The following NRXN3 variants were observed in gnomAD, a reference collection of about 807,000 sequenced individuals.
NRXN3 encodes the protein neurexin III.
A neutral mutation model predicts 137.6 loss-of-function variants in NRXN3; 32 were observed. The ratio of observed to expected loss-of-function variants is 0.23; its 90% CI spans 0.18 to 0.31. The LOEUF (loss-of-function observed/expected upper bound fraction) is 0.31, where lower values mean the gene tolerates loss of function less well. NRXN3 is among the 10% of genes least tolerant of loss of function. The pLI is 1.00. For synonymous variants in NRXN3, 798 were observed against 784.5 expected (o/e 1.02, Z -0.29); for missense variants, 1,574 against 2,062.5 (o/e 0.76, Z 4.59).
At chr14:79,256,703 G>C (rs112444835) in intron 15 of NRXN3, among the ~76,000 whole-genome samples, 1 of 152,218 alleles carries the variant, frequency 6.6e-6, no homozygotes, top group Non-Finnish European at 1.5e-5. Flanking sequence ...TCTGCCAGAA[G>C]CAGAGCAGGT....
At chr14:79,099,424 A>G (rs1444682278) in intron 15 of NRXN3, among the ~76,000 whole-genome samples, 3 of 152,194 alleles carry the variant, frequency 2.0e-5, no homozygotes, top group Non-Finnish European at 4.4e-5. Context: ...GAGAGTCAAA[A>G]GGAGAGCTGC....
Position 79,577,685 on chromosome 14 carries a change from TTATC to T in NRXN3, c.3445-86089_3445-86086del, listed in dbSNP as rs376799980. ...CTCAAGTGCAGAGATCTTGTGTTATTTATCTATGTGTCTTCAGATACTAAATGTG... is the reference window on the plus strand; with the variant it reads ...CTCAAGTGCAGAGATCTTGTGTTATTTATGTGTCTTCAGATACTAAATGTG... On this transcript the variant is annotated intron_variant, in intron 16 of 20. Coordinates refer to ENST00000335750, the MANE Select transcript of NRXN3 (RefSeq NM_001330195.2). 3.9e-5 allele frequency among the ~76,000 whole-genome samples: 6 copies of T among 152,336 alleles called. No individual in the cohort carries two copies. In the South Asian group the frequency reaches 6.2e-4, roughly 16 times the overall value.
intron 15 of NRXN3, among the ~76,000 whole-genome samples, chr14:79,428,735 C>T (rs530429993): frequency 1.3e-5 from 2 of 152,134 alleles, no homozygotes; most frequent in East Asian, 1.9e-4. Context: ...GTAAGCAAGA[C>T]GGAGGATTAG....
At chr14:78,871,031 C>T (rs1362393722) in intron 10 of NRXN3, among the ~76,000 whole-genome samples, 1 of 149,416 alleles carries the variant, frequency 6.7e-6, no homozygotes, top group Non-Finnish European at 1.5e-5. Flanking sequence ...CATGGGAGTG[C>T]AGATATCTCT....
chr14:78,436,590 G>T (rs2094074076), intron 4 of NRXN3, among the ~76,000 whole-genome samples: 1 of 152,232 alleles, frequency 6.6e-6, no homozygotes, highest in Admixed American at 6.5e-5. Context: ...TAGCAAGGAA[G>T]CCACCACCCA....
chr14:78,357,549 T>C (rs2153601607), intron 4 of NRXN3, among the ~76,000 whole-genome samples: 1 of 152,326 alleles, frequency 6.6e-6, no homozygotes, highest in Non-Finnish European at 1.5e-5. Flanking sequence ...TGTGGGACTA[T>C]AGGTTTCTGA....
intron 16 of NRXN3, among the ~76,000 whole-genome samples, chr14:79,497,904 C>T (rs770159061): frequency 7.9e-5 from 12 of 151,938 alleles, no homozygotes; most frequent in Non-Finnish European, 1.0e-4. Context: ...CATAGTGGTG[C>T]GCCCCTGTAG....
At chr14:78,750,289 G>A (rs2098634753) in intron 8 of NRXN3, among the ~76,000 whole-genome samples, 1 of 152,212 alleles carries the variant, frequency 6.6e-6, no homozygotes, top group Non-Finnish European at 1.5e-5. Flanking sequence ...AGCAGATATA[G>A]TCGATATATC....
chr14:78,300,641 C>T, intron 4 of NRXN3: 1 of 1,519,568 alleles, frequency 6.6e-7, no homozygotes. Flanking sequence ...ATGGTGAACA[C>T]CATGCTTCCT....
chr14:79,446,281 C>T (rs2096062620), intron 15 of NRXN3, among the ~76,000 whole-genome samples: 3 of 152,106 alleles, frequency 2.0e-5, no homozygotes, highest in Admixed American at 6.6e-5. Flanking sequence ...GAAATTCTTT[C>T]CTGTTTTGCT....
intron 15 of NRXN3, among the ~76,000 whole-genome samples, chr14:79,156,616 C>T (rs1279454769): frequency 6.6e-6 from 1 of 151,732 alleles, no homozygotes; most frequent in Admixed American, 6.6e-5. Flanking sequence ...GCTTTACTTC[C>T]TTAACAGAAT....
At chr14:79,569,401 C>T (rs549087123) in intron 16 of NRXN3, among the ~76,000 whole-genome samples, 29 of 152,192 alleles carry the variant, frequency 1.9e-4, no homozygotes, top group African/African-American at 6.3e-4. Context: ...AATGAGCAGG[C>T]GCTGCCTCCC....
chr14:78,465,508 G>C (rs2095072596), intron 4 of NRXN3, among the ~76,000 whole-genome samples: 1 of 152,128 alleles, frequency 6.6e-6, no homozygotes, highest in African/African-American at 2.4e-5. Context: ...TGATGACAGA[G>C]ATTTAAGGTT....
chr14:79,722,403 C>T (rs1214090131), intron 19 of NRXN3, among the ~76,000 whole-genome samples: 1 of 152,130 alleles, frequency 6.6e-6, no homozygotes, highest in Admixed American at 6.6e-5. Flanking sequence ...TTCATGCCAT[C>T]ATGCCTGTCT....
intron 16 of NRXN3, among the ~76,000 whole-genome samples, chr14:79,650,178 T>A (rs1234430081): frequency 6.6e-6 from 1 of 152,084 alleles, no homozygotes; most frequent in African/African-American, 2.4e-5. Flanking sequence ...AAGCGTGTTG[T>A]GAGAGTATAG....
rs906243591 is a variant in NRXN3, at chr14:79,216,039, G to T, written c.3262+227898G>T. On this transcript the variant is annotated intron_variant, in intron 15 of 20. Transcript: ENST00000335750. Reference sequence around the variant, plus strand: ...AATTTGGACAGGGCACAGTGAAGATGGTGAGAACAGTTTGTCTCTGTTCCC... The same window carrying T: ...AATTTGGACAGGGCACAGTGAAGATTGTGAGAACAGTTTGTCTCTGTTCCC... 4.6e-5 allele frequency among the ~76,000 whole-genome samples: 7 copies of T among 152,146 alleles called. No homozygotes were observed. The East Asian group carries it at 1.2e-3, about 25-fold the overall frequency.
intron 10 of NRXN3, among the ~76,000 whole-genome samples, chr14:78,948,246 G>T (rs1037516844): frequency 5.3e-5 from 8 of 152,210 alleles, no homozygotes; most frequent in African/African-American, 1.9e-4. Flanking sequence ...GAGAGATGAA[G>T]GTGTTGCCAT....
At chr14:78,576,760 G>T (rs1228024778) in intron 4 of NRXN3, among the ~76,000 whole-genome samples, 1 of 152,196 alleles carries the variant, frequency 6.6e-6, no homozygotes, top group African/African-American at 2.4e-5. Flanking sequence ...GTACTGCAGG[G>T]TTATGTGGCA....
intron 10 of NRXN3, among the ~76,000 whole-genome samples, chr14:78,937,435 A>G (rs1349570298): frequency 1.3e-5 from 2 of 152,118 alleles, no homozygotes; most frequent in East Asian, 3.9e-4. Context: ...ACCTGGCAAA[A>G]CAGTCCTGTA....
Sources: allele counts gnomAD v4.1 joint callset (sites outside exome capture counted in the v4.1 genomes callset), GRCh38; gene constraint gnomAD v4.1.1; transcripts MANE v1.5; gene names NCBI Gene and HGNC (gene_info 2026-07-23, HGNC 2026-07-21).